The following FGF14 variants were observed in gnomAD, a reference collection of about 807,000 sequenced individuals.
FGF14 encodes the protein fibroblast growth factor 14.
Under a neutral mutation model 25.5 loss-of-function variants are expected in FGF14, and 5 were observed. The ratio of observed to expected loss-of-function variants is 0.20; its 90% CI spans 0.10 to 0.41. The LOEUF (loss-of-function observed/expected upper bound fraction) is 0.41. FGF14 is among the 10% of genes least tolerant of loss of function. FGF14 has a pLI of 1.00. For synonymous variants in FGF14, 138 were observed against 118.3 expected (o/e 1.17, Z -1.08); for missense variants, 222 against 320.1 (o/e 0.69, Z 2.34).
chr13:102,360,671 T>A (rs2057539500), intron 1 of FGF14, among the ~76,000 whole-genome samples: 1 of 152,112 alleles, frequency 6.6e-6, no homozygotes, highest in African/African-American at 2.4e-5. Context: ...GCGAGAAGAA[T>A]ACAAACACCT....
At chr13:102,178,373 T>A (rs1566786157) in intron 1 of FGF14, among the ~76,000 whole-genome samples, 1 of 152,288 alleles carries the variant, frequency 6.6e-6, no homozygotes, top group East Asian at 1.9e-4. Flanking sequence ...ATATAACTCT[T>A]GAATATTCAC....
At chr13:102,380,324 TC>T (rs1566975214) in intron 1 of FGF14, among the ~76,000 whole-genome samples, 2 of 152,222 alleles carry the variant, frequency 1.3e-5, no homozygotes, top group South Asian at 4.1e-4. Flanking sequence ...CACGAGTGCC[TC>T]CCTATTCAGC....
intron 1 of FGF14, among the ~76,000 whole-genome samples, chr13:102,165,504 T>C (rs9585865): frequency 0.029 from 4,370 of 151,930 alleles, 229 homozygotes; most frequent in African/African-American, 0.1. Context: ...GATGAGTTCA[T>C]GTCCTTTGCA....
chr13:102,377,808 C>T (rs897458515), intron 1 of FGF14, among the ~76,000 whole-genome samples: 1 of 152,104 alleles, frequency 6.6e-6, no homozygotes, highest in Non-Finnish European at 1.5e-5. Context: ...AACTCTGTCT[C>T]AACAACAACA....
At chr13:101,792,078 T>A (rs1231344889) in intron 3 of FGF14, among the ~76,000 whole-genome samples, 5 of 152,100 alleles carry the variant, frequency 3.3e-5, no homozygotes, top group Admixed American at 1.3e-4. Context: ...AAAAGATCTA[T>A]AATTGTTAAC....
chr13:101,842,972 C>T (rs1357566818), intron 3 of FGF14, among the ~76,000 whole-genome samples: 3 of 152,020 alleles, frequency 2.0e-5, no homozygotes, highest in Non-Finnish European at 4.4e-5. Context: ...CTCGGACAAA[C>T]GATCATCCTA....
At chr13:102,161,116 A>T (rs1397411853) in intron 1 of FGF14, among the ~76,000 whole-genome samples, 1 of 152,208 alleles carries the variant, frequency 6.6e-6, no homozygotes, top group Non-Finnish European at 1.5e-5. Context: ...GTAAAGGAAA[A>T]CTGTTTCTCA....
intron 1 of FGF14, among the ~76,000 whole-genome samples, chr13:102,267,224 T>C (rs1486591600): frequency 6.6e-6 from 1 of 152,148 alleles, no homozygotes; most frequent in African/African-American, 2.4e-5. Flanking sequence ...ATGAATGATT[T>C]GGGGCTCAAC....
chr13:102,118,633 T>C (rs2045580521), intron 1 of FGF14, among the ~76,000 whole-genome samples: 1 of 152,132 alleles, frequency 6.6e-6, no homozygotes, highest in South Asian at 2.1e-4. Flanking sequence ...ACTCCCACTT[T>C]GCAAGTTTGG....
At chr13:102,158,541 G>T (rs1259669517) in intron 1 of FGF14, among the ~76,000 whole-genome samples, 1 of 150,824 alleles carries the variant, frequency 6.6e-6, no homozygotes, top group Admixed American at 6.6e-5. Context: ...TAGCGGGGGG[G>T]GGATACATTA....
At chr13:102,161,673 GAA>G (rs1491058869) in intron 1 of FGF14, among the ~76,000 whole-genome samples, 7 of 56,122 alleles carry the variant, frequency 1.2e-4, no homozygotes, top group Non-Finnish European at 1.8e-4. Flanking sequence ...AGAAGAAGAA[GAA>G]GAAGAAGAAG....
intron 3 of FGF14, among the ~76,000 whole-genome samples, chr13:101,742,826 A>G (rs1412428081): frequency 6.6e-6 from 1 of 152,152 alleles, no homozygotes; most frequent in African/African-American, 2.4e-5. Context: ...GTCCACAAGG[A>G]AATTCCTTGT....
chr13:102,128,835 C>A (rs919209706), intron 1 of FGF14, among the ~76,000 whole-genome samples: 1 of 152,192 alleles, frequency 6.6e-6, no homozygotes, highest in African/African-American at 2.4e-5. Context: ...GTAATCCCAG[C>A]ACTTTGGGAG....
chr13:102,320,449 T>A (rs752215259), intron 1 of FGF14, among the ~76,000 whole-genome samples: 12 of 152,200 alleles, frequency 7.9e-5, no homozygotes, highest in African/African-American at 2.9e-4. Context: ...AGTTGCCATA[T>A]GACTGCATCC....
chr13:102,246,460 T>C (rs1183975173), intron 1 of FGF14, among the ~76,000 whole-genome samples: 1 of 152,028 alleles, frequency 6.6e-6, no homozygotes. Flanking sequence ...CCCAACGCCA[T>C]GCAAAAGCAC....
chr13:101,851,496 C>T (rs980278587), intron 3 of FGF14, among the ~76,000 whole-genome samples: 1 of 152,098 alleles, frequency 6.6e-6, no homozygotes, highest in Non-Finnish European at 1.5e-5. Flanking sequence ...CTCCTACAAC[C>T]AGTCACTTGC....
At chr13:102,207,685 T>C (rs1392056678) in intron 1 of FGF14, among the ~76,000 whole-genome samples, 1 of 144,000 alleles carries the variant, frequency 6.9e-6, no homozygotes, top group African/African-American at 2.6e-5. Flanking sequence ...TCAAACATAA[T>C]GGCCTAAAAT....
At chr13:102,044,548 T>A (rs143674958) in intron 1 of FGF14, among the ~76,000 whole-genome samples, 5 of 150,540 alleles carry the variant, frequency 3.3e-5, no homozygotes, top group African/African-American at 4.9e-5. Flanking sequence ...AAAAAAAAAA[T>A]GCACAAAATT....
At chr13:102,229,071 T>G (rs1594495714) in intron 1 of FGF14, among the ~76,000 whole-genome samples, 1 of 152,174 alleles carries the variant, frequency 6.6e-6, no homozygotes, top group South Asian at 2.1e-4. Flanking sequence ...TGAATGGTTA[T>G]GCACCCCAGG....
Sources: gnomAD v4.1 joint callset for allele counts (sites outside exome capture counted in the v4.1 genomes callset) on GRCh38, gnomAD v4.1.1 for gene constraint, MANE v1.5 for transcripts, NCBI Gene and HGNC (gene_info 2026-07-23, HGNC 2026-07-21) for gene names.